CEP170: variants seen among roughly 807,000 people sequenced by gnomAD.
The protein encoded by CEP170 is centrosomal protein 170.
A neutral mutation model predicts 151.9 loss-of-function variants in CEP170; 21 were observed. The observed-to-expected ratio is 0.14, with a 90% CI of 0.10 to 0.20. The LOEUF is 0.20. Among genes scored for constraint, CEP170 ranks in the 10% least tolerant of loss-of-function variants. The pLI, the probability that CEP170 is intolerant of heterozygous loss-of-function variation, is 1.00. For missense variants in CEP170, 964 were observed against 1,892.9 expected, an observed-to-expected ratio of 0.51 and a Z score of 9.11; for synonymous variants, 356 against 648.8, an observed-to-expected ratio of 0.55 and a Z score of 6.86.
At chr1:243,213,641 T>A (rs563532670) in intron 3 of CEP170, among the ~76,000 whole-genome samples, 1 of 152,302 alleles carries the variant, frequency 6.6e-6, no homozygotes, top group African/African-American at 2.4e-5. Context: ...TTTCATCTAG[T>A]TAGTCATTCA....
chr1:243,230,715 A>T (rs1362608662), intron 1 of CEP170, among the ~76,000 whole-genome samples: 2 of 152,178 alleles, frequency 1.3e-5, no homozygotes, highest in Non-Finnish European at 2.9e-5. Flanking sequence ...CTTCAATATG[A>T]GAAGCAGAAA....
At chr1:243,183,697 A>G (rs1181938637) in intron 10 of CEP170, among the ~76,000 whole-genome samples, 1 of 152,132 alleles carries the variant, frequency 6.6e-6, no homozygotes, top group Non-Finnish European at 1.5e-5. Context: ...ATATGGTCTC[A>G]GCTTCATTTT....
At chr1:243,168,136 C>T (rs1038295352) in intron 12 of CEP170, among the ~76,000 whole-genome samples, 10 of 151,702 alleles carry the variant, frequency 6.6e-5, no homozygotes, top group Admixed American at 2.6e-4. Context: ...ACAGTTTATA[C>T]GAACCAAATG....
intron 19 of CEP170, among the ~76,000 whole-genome samples, chr1:243,127,625 C>T (rs979018015): frequency 1.3e-5 from 2 of 152,020 alleles, no homozygotes; most frequent in South Asian, 2.1e-4. Flanking sequence ...CACATAAGTA[C>T]CTATGATTAT....
At chr1:243,242,240 G>T (rs113245430) in intron 1 of CEP170, among the ~76,000 whole-genome samples, 15 of 151,660 alleles carry the variant, frequency 9.9e-5, no homozygotes, top group African/African-American at 3.4e-4. Flanking sequence ...TCTTTTTTTG[G>T]GACAGTCTCG....
At chr1:243,254,561 G>C (rs912250766) in intron 1 of CEP170, 1 of 152,196 alleles carries the variant, frequency 6.6e-6, no homozygotes, top group Non-Finnish European at 1.5e-5. Context: ...TCACACAAAA[G>C]GGATTGGCCC....
intron 15 of CEP170, 49 bp downstream of exon 15, chr1:243,142,267 A>C (rs2055939632): frequency 6.2e-7 from 1 of 1,601,628 alleles, no homozygotes; most frequent in Admixed American, 1.7e-5. Context: ...AAGCAAAAGA[A>C]ATAAAGAAAA....
chr1:243,141,652 G>C (rs2055848512), intron 15 of CEP170, among the ~76,000 whole-genome samples: 1 of 152,210 alleles, frequency 6.6e-6, no homozygotes, highest in Non-Finnish European at 1.5e-5. Context: ...TGTATTACAT[G>C]TTAAAGGTGC....
intron 1 of CEP170, 38 bp from the exon 2 acceptor site, chr1:243,225,359 T>G: frequency 1.2e-6 from 1 of 838,736 alleles, no homozygotes. Context: ...CGTTCAGATA[T>G]TTTTAGCTTT....
At chr1:243,249,376 C>T (rs1034700643) in intron 1 of CEP170, among the ~76,000 whole-genome samples, 2 of 151,646 alleles carry the variant, frequency 1.3e-5, no homozygotes, top group Non-Finnish European at 2.9e-5. Flanking sequence ...TGGGATCCTG[C>T]CCCTGTACCC....
intron 10 of CEP170, among the ~76,000 whole-genome samples, chr1:243,173,735 CAAAA>C (rs199827738): frequency 2.8e-5 from 2 of 72,718 alleles, no homozygotes; most frequent in Middle Eastern, 8.9e-3. Flanking sequence ...GACCCTGTTT[CAAAA>C]AAAAAAAAAA....
chr1:243,156,158 T>A, intron 14 of CEP170, 63 bp downstream of exon 14: 1 of 1,506,502 alleles, frequency 6.6e-7, no homozygotes, highest in Non-Finnish European at 8.9e-7. Flanking sequence ...AGCTAAACTT[T>A]GTTACCAAGT....
chr1:243,165,549 T>C lies in CEP170; in HGVS notation c.2411A>G (p.Gln804Arg). ...HSTSKGDRVA[Q>R]SESKRRKAEE... ...AGCTTTTCTTCTCTTGCTCTCACTTTGTGCCACTCTGTCTCCTTTGCTTGT... is the reference window on the plus strand; with the variant it reads ...AGCTTTTCTTCTCTTGCTCTCACTTCGTGCCACTCTGTCTCCTTTGCTTGT... Residue 804 changes from glutamine (Q) to arginine (R), a missense_variant, in exon 13 of 20, where the codon CAA (glutamine) becomes CGA (arginine). Transcript: ENST00000366542. 6.2e-7 allele frequency: 1 copy of C among 1,613,776 alleles called. No individual in the cohort carries two copies. The highest frequency in any genetic ancestry group is 8.5e-7 in the Non-Finnish European group (1 of 1,179,848).
intron 4 of CEP170, chr1:243,211,583 C>G (rs931756403): frequency 1.6e-5 from 4 of 248,100 alleles, no homozygotes; most frequent in Admixed American, 5.6e-5. Context: ...TGTCCTCTCC[C>G]CAGTTACATT....
chr1:243,177,588 C>A (rs375751981), intron 10 of CEP170, among the ~76,000 whole-genome samples: 2 of 152,264 alleles, frequency 1.3e-5, no homozygotes, highest in South Asian at 4.1e-4. Context: ...TAGAGGTTCC[C>A]ATGGCCCATG....
intron 1 of CEP170, among the ~76,000 whole-genome samples, chr1:243,230,547 G>C (rs1010900195): frequency 6.6e-6 from 1 of 152,086 alleles, no homozygotes; most frequent in Non-Finnish European, 1.5e-5. Context: ...ATATCAGTAG[G>C]AAGACAGAAA....
At position 243,226,168 on chromosome 1, in the gene CEP170, GAT is replaced by G. The variant is rs548955335; in HGVS notation, c.-41-849_-41-848del. Among the ~76,000 whole-genome samples, 130 of 83,968 alleles carry G rather than the reference GAT, an allele frequency of 1.5e-3. 1 individual carries two copies. In the East Asian group the frequency reaches 0.025, roughly 16 times the overall value. The allele number at this position is 83,968 out of a possible 152,430, so 55.1% of individuals were successfully genotyped here. ...ATATGTACATGTCTATCTCTCTATA[GAT>G]ATATATATATCTAGATATATATATC... On this transcript the variant is annotated intron_variant, in intron 1 of 19. Transcript: ENST00000366542.
intron 1 of CEP170, among the ~76,000 whole-genome samples, chr1:243,233,874 T>G (rs974533868): frequency 1.3e-5 from 2 of 151,708 alleles, no homozygotes; most frequent in Non-Finnish European, 2.9e-5. Flanking sequence ...CAGGCAATAA[T>G]AAGTAAGTGC....
intron 1 of CEP170, among the ~76,000 whole-genome samples, chr1:243,243,901 T>C (rs745340911): frequency 6.6e-6 from 1 of 151,896 alleles, no homozygotes; most frequent in African/African-American, 2.4e-5. Context: ...AATAACTCAA[T>C]GTCATCTGTG....
Sources: allele counts gnomAD v4.1 joint callset (sites outside exome capture counted in the v4.1 genomes callset), GRCh38; gene constraint gnomAD v4.1.1; transcripts MANE v1.5; gene names NCBI Gene and HGNC (gene_info 2026-07-23, HGNC 2026-07-21).